LARP1B: variants seen among roughly 807,000 people sequenced by gnomAD.
LARP1B encodes La ribonucleoprotein 1B.
LARP1B carries 76 observed loss-of-function variants against 114.2 expected under a neutral mutation model. That is an observed-to-expected ratio of 0.67 (90% confidence interval 0.55 to 0.81). The LOEUF is 0.81. Among genes scored for constraint, LARP1B ranks in the 30% least tolerant of loss-of-function variants. LARP1B has a pLI of 0.00. For synonymous variants in LARP1B, 345 were observed against 348.0 expected, an observed-to-expected ratio of 0.99 and a Z score of 0.10; for missense variants, 1,014 against 1,075.8, an observed-to-expected ratio of 0.94 and a Z score of 0.80.
At chr4:128,130,039 T>G (rs2150094782) in intron 11 of LARP1B, among the ~76,000 whole-genome samples, 1 of 152,244 alleles carries the variant, frequency 6.6e-6, no homozygotes, top group Non-Finnish European at 1.5e-5. Context: ...TTCTGCCCAG[T>G]GAAAGATACT....
intron 11 of LARP1B, among the ~76,000 whole-genome samples, chr4:128,126,871 T>C (rs1358291718): frequency 6.6e-6 from 1 of 151,698 alleles, no homozygotes; most frequent in African/African-American, 2.4e-5. Flanking sequence ...GGAGAAGGTC[T>C]AAAATATACA....
intron 7 of LARP1B, chr4:128,092,854 A>G (rs1776374259): frequency 2.0e-6 from 2 of 985,408 alleles, no homozygotes; most frequent in Non-Finnish European, 1.2e-6. Context: ...TCATACCACT[A>G]TTACTGTCTT....
chr4:128,091,076 G>C lies in LARP1B; in HGVS notation c.434G>C (p.Arg145Pro). The change falls in exon 6 of 20, where the codon CGA becomes CCA. Residue 145 changes from arginine to proline, a missense_variant. Coordinates refer to ENST00000326639, the MANE Select transcript of LARP1B (RefSeq NM_018078.4). ...SSVRSEGGNI[R>P]GSFRGRGRGR... is the part of the protein sequence containing the mutation. The stretch of plus-strand genomic sequence containing the variant: ...GTGAGAAGTGAGGGTGGTAATATCC[G>C]AGGTTCCTTTAGAGGTCGAGGAAGA... 6.2e-7 allele frequency: 1 copy of C among 1,613,962 alleles called. No homozygotes were observed. The highest frequency in any genetic ancestry group is 8.5e-7 in the Non-Finnish European group (1 of 1,179,878).
chr4:128,176,299 A>AT (rs1194235958), intron 12 of LARP1B, among the ~76,000 whole-genome samples: 4 of 143,686 alleles, frequency 2.8e-5, no homozygotes, highest in African/African-American at 1.0e-4. Flanking sequence ...ATATATATAT[A>AT]TATTTTTTTT....
intron 11 of LARP1B, among the ~76,000 whole-genome samples, chr4:128,127,925 A>T (rs1790182257): frequency 6.6e-6 from 1 of 152,260 alleles, no homozygotes; most frequent in South Asian, 2.1e-4. Flanking sequence ...TGCTGTCATA[A>T]GGATGAACAT....
At chr4:128,105,422 G>A (rs1426159942) in intron 8 of LARP1B, among the ~76,000 whole-genome samples, 1 of 152,176 alleles carries the variant, frequency 6.6e-6, no homozygotes, top group Non-Finnish European at 1.5e-5. Flanking sequence ...GGGTGTCATT[G>A]CTTCTAGGTC....
intron 12 of LARP1B, among the ~76,000 whole-genome samples, chr4:128,173,772 G>C (rs910583119): frequency 3.9e-5 from 6 of 152,090 alleles, no homozygotes; most frequent in Non-Finnish European, 5.9e-5. Flanking sequence ...TTCTGTTTGG[G>C]ACTATACCTT....
chr4:128,179,637 G>A, intron 15 of LARP1B, 125 bp downstream of exon 15: 1 of 540,172 alleles, frequency 1.9e-6, no homozygotes, highest in Non-Finnish European at 3.2e-6. Flanking sequence ...CAATGAAAAT[G>A]GTACAAAGAA....
At position 128,096,095 on chromosome 4, in the gene LARP1B, A is replaced by G. The variant is rs867546538; in HGVS notation, c.669-2091A>G. On this transcript the variant is annotated intron_variant, in intron 7 of 19. Transcript: ENST00000326639. ...TGCAAGCTCCGCCTCCCGGGTTCAC[A>G]CCATTCTCCTGCCTCAGCCTCCCAC... 5.4e-5 allele frequency among the ~76,000 whole-genome samples: 8 copies of G among 149,446 alleles called. No homozygotes were observed. In the South Asian group the frequency reaches 6.3e-4, roughly 12 times the overall value.
Position 128,167,580 on chromosome 4 carries a change from T to C in LARP1B, c.1648+5263T>C, listed in dbSNP as rs540813907. On this transcript the variant is annotated intron_variant, in intron 12 of 19. Coordinates refer to ENST00000326639, the MANE Select transcript of LARP1B (RefSeq NM_018078.4). ...GAAGCAGCTTTTTCATTTGATGCCA[T>C]GTTTGTTTATTTTTGCTTTTGTTGC... Among the ~76,000 whole-genome samples the C allele has an allele frequency of 2.0e-5, 3 of 152,152 alleles. No homozygotes were observed. In the South Asian group the frequency reaches 6.2e-4, roughly 32 times the overall value.
intron 11 of LARP1B, chr4:128,122,717 C>T (rs1788418140): frequency 1.6e-6 from 2 of 1,282,300 alleles, no homozygotes; most frequent in Non-Finnish European, 2.0e-6. Flanking sequence ...GGATGATTAT[C>T]TCTCTTGGTC....
intron 10 of LARP1B, among the ~76,000 whole-genome samples, chr4:128,116,975 A>G (rs1434157260): frequency 1.4e-5 from 2 of 146,008 alleles, no homozygotes; most frequent in Non-Finnish European, 3.0e-5. Context: ...GCAGTGGCGC[A>G]GTCTTGGCTC....
chr4:128,179,914 T>C (rs1747749123), intron 15 of LARP1B, among the ~76,000 whole-genome samples: 1 of 152,192 alleles, frequency 6.6e-6, no homozygotes, highest in Admixed American at 6.5e-5. Context: ...GTTATTTTGC[T>C]TTTTTCCCCC....
chr4:128,198,156 A>G, intron 15 of LARP1B, among the ~76,000 whole-genome samples: 1 of 152,178 alleles, frequency 6.6e-6, no homozygotes, highest in East Asian at 1.9e-4. Flanking sequence ...AAGTGCTGGG[A>G]TTACAGGCGT....
chr4:128,061,864 T>A (rs1369122620), intron 1 of LARP1B: 1 of 984,928 alleles, frequency 1.0e-6, no homozygotes, highest in African/African-American at 1.7e-5. Context: ...CGGCCGCCAC[T>A]AGCGCTGGGG....
At chr4:128,080,230 G>A (rs113174553) in intron 4 of LARP1B, among the ~76,000 whole-genome samples, 2 of 151,810 alleles carry the variant, frequency 1.3e-5, no homozygotes. Flanking sequence ...TGATCTGCCC[G>A]CCTTGGCTTC....
At chr4:128,196,264 A>G (rs74634794) in intron 15 of LARP1B, among the ~76,000 whole-genome samples, 18 of 148,890 alleles carry the variant, frequency 1.2e-4, no homozygotes, top group African/African-American at 2.0e-4. Flanking sequence ...AAAAAAAAAA[A>G]AAAGAAAGAA....
intron 15 of LARP1B, among the ~76,000 whole-genome samples, chr4:128,180,799 T>A: frequency 6.6e-6 from 1 of 152,214 alleles, no homozygotes. Context: ...GATTGTATAA[T>A]AAGAATATAT....
intron 10 of LARP1B, among the ~76,000 whole-genome samples, chr4:128,118,440 GT>G (rs1229587575): frequency 2.3e-4 from 34 of 150,822 alleles, no homozygotes; most frequent in Non-Finnish European, 2.4e-4. Context: ...GTTTCATCGT[GT>G]TAGCCAGGAT....
Sources: gnomAD v4.1 joint callset for allele counts (sites outside exome capture counted in the v4.1 genomes callset) on GRCh38, gnomAD v4.1.1 for gene constraint, MANE v1.5 for transcripts, NCBI Gene and HGNC (gene_info 2026-07-23, HGNC 2026-07-21) for gene names.